Variants in CACNG3 observed in about 807,000 individuals in gnomAD.
The protein encoded by CACNG3 is calcium voltage-gated channel auxiliary subunit gamma 3.
In CACNG3, 3 loss-of-function variants were observed where a neutral mutation model predicts 28.5. The ratio of observed to expected loss-of-function variants is 0.11; its 90% CI spans 0.05 to 0.27. The LOEUF (loss-of-function observed/expected upper bound fraction) is 0.27. Ranked by LOEUF, CACNG3 falls within the 10% of genes least tolerant of loss-of-function variation. The probability of loss-of-function intolerance (pLI) is 1.00; values close to 1 mark genes in which losing one functional copy is unlikely to be tolerated. For missense variants in CACNG3, 236 were observed against 414.4 expected (o/e 0.57, Z 3.74); for synonymous variants, 174 against 162.2 (o/e 1.07, Z -0.55).
intron 1 of CACNG3, among the ~76,000 whole-genome samples, chr16:24,325,814 T>A (rs562578892): frequency 6.6e-6 from 1 of 152,222 alleles, no homozygotes; most frequent in Non-Finnish European, 1.5e-5. Flanking sequence ...GCTTAATAAA[T>A]GGTAGGTGCT....
chr16:24,297,275 A>T (rs1899044285), intron 1 of CACNG3, among the ~76,000 whole-genome samples: 1 of 126,564 alleles, frequency 7.9e-6, no homozygotes, highest in South Asian at 2.3e-4. Context: ...AAAATAAAAT[A>T]AAATAAATAA....
chr16:24,268,261 C>T (rs1325229032), intron 1 of CACNG3, among the ~76,000 whole-genome samples: 1 of 152,206 alleles, frequency 6.6e-6, no homozygotes. Flanking sequence ...CTGTCTACTA[C>T]TAGTTGTCTG....
At chr16:24,299,722 G>GT (rs1390196652) in intron 1 of CACNG3, among the ~76,000 whole-genome samples, 1 of 152,116 alleles carries the variant, frequency 6.6e-6, no homozygotes. Context: ...GTATGAGACT[G>GT]TTTATTCAGT....
intron 1 of CACNG3, among the ~76,000 whole-genome samples, chr16:24,305,026 CAG>C (rs1277452476): frequency 3.3e-5 from 5 of 152,006 alleles, no homozygotes; most frequent in Non-Finnish European, 7.3e-5. Context: ...GTGGAGAATC[CAG>C]AGAGTGTGGC....
chr16:24,316,672 A>G (rs1251623529), intron 1 of CACNG3, among the ~76,000 whole-genome samples: 1 of 152,112 alleles, frequency 6.6e-6, no homozygotes, highest in Non-Finnish European at 1.5e-5. Context: ...CACTCCCCAA[A>G]GACCTCAGGG....
chr16:24,302,736 T>G (rs2141360856), intron 1 of CACNG3, among the ~76,000 whole-genome samples: 1 of 152,086 alleles, frequency 6.6e-6, no homozygotes, highest in Non-Finnish European at 1.5e-5. Context: ...CTCGGCTCAC[T>G]GCAAACTCTG....
At chr16:24,324,107 C>T (rs1899502738) in intron 1 of CACNG3, among the ~76,000 whole-genome samples, 1 of 152,094 alleles carries the variant, frequency 6.6e-6, no homozygotes, top group African/African-American at 2.4e-5. Flanking sequence ...TTATTGAATT[C>T]TCAAAGAGCC....
At chr16:24,332,913 C>T in intron 1 of CACNG3, among the ~76,000 whole-genome samples, 1 of 152,026 alleles carries the variant, frequency 6.6e-6, no homozygotes, top group East Asian at 1.9e-4. Flanking sequence ...GGAGGCAAAA[C>T]GTGATGTGTT....
chr16:24,259,565 C>T (rs1031932596), intron 1 of CACNG3, among the ~76,000 whole-genome samples: 3 of 152,066 alleles, frequency 2.0e-5, no homozygotes, highest in Non-Finnish European at 4.4e-5. Context: ...AATGTTTGTT[C>T]TTCTGTGCTT....
At chr16:24,275,180 C>A (rs1295610940) in intron 1 of CACNG3, among the ~76,000 whole-genome samples, 1 of 146,034 alleles carries the variant, frequency 6.8e-6, no homozygotes, top group Non-Finnish European at 1.5e-5. Context: ...GGCAATACAG[C>A]AAGACTCCAT....
intron 2 of CACNG3, among the ~76,000 whole-genome samples, chr16:24,350,260 C>T (rs1338560306): frequency 6.6e-6 from 1 of 152,138 alleles, no homozygotes; most frequent in African/African-American, 2.4e-5. Context: ...GATGATTGCA[C>T]CACTTGGGAA....
At chr16:24,285,714 G>A (rs573007386) in intron 1 of CACNG3, among the ~76,000 whole-genome samples, 1 of 151,728 alleles carries the variant, frequency 6.6e-6, no homozygotes, top group South Asian at 2.1e-4. Flanking sequence ...TCTAATTGAA[G>A]ATAATATGTA....
chr16:24,327,420 A>ATCTGTGTG (rs1182421550), intron 1 of CACNG3, among the ~76,000 whole-genome samples: 2 of 57,168 alleles, frequency 3.5e-5, no homozygotes, highest in Non-Finnish European at 6.9e-5. Context: ...ACGAATATAT[A>ATCTGTGTG]TATGTGTGTG....
rs905785613 is a variant in CACNG3, at chr16:24,290,157, T to A, written c.211+33192T>A. Among the ~76,000 whole-genome samples, 3 of 152,266 alleles carry A rather than the reference T, an allele frequency of 2.0e-5. No homozygotes were observed. In the East Asian group the frequency reaches 5.8e-4, roughly 29 times the overall value. ...AACAAACATTTCATATATTTGTGGATTTATACCCATCTTTTATTTATTTGT... is the reference window on the plus strand; with the variant it reads ...AACAAACATTTCATATATTTGTGGAATTATACCCATCTTTTATTTATTTGT... On this transcript the variant is annotated intron_variant, in intron 1 of 3. Coordinates refer to ENST00000005284, the MANE Select transcript of CACNG3 (RefSeq NM_006539.4).
chr16:24,321,123 A>G (rs1247090659), intron 1 of CACNG3, among the ~76,000 whole-genome samples: 1 of 152,150 alleles, frequency 6.6e-6, no homozygotes, highest in Non-Finnish European at 1.5e-5. Flanking sequence ...CCCTTGTCCC[A>G]AGTATCCACA....
At chr16:24,350,760 T>TG (rs1165003339) in intron 2 of CACNG3, among the ~76,000 whole-genome samples, 3 of 152,212 alleles carry the variant, frequency 2.0e-5, no homozygotes, top group Admixed American at 6.5e-5. Context: ...AAGCAATTCC[T>TG]GTCAATATAC....
At chr16:24,352,536 TG>T (rs1289179529) in intron 2 of CACNG3, among the ~76,000 whole-genome samples, 1 of 42,430 alleles carries the variant, frequency 2.4e-5, no homozygotes, top group Non-Finnish European at 4.3e-5. Context: ...TGTTGTTGTT[TG>T]TTTGTTTGTT....
At chr16:24,314,465 T>C (rs990683019) in intron 1 of CACNG3, among the ~76,000 whole-genome samples, 1 of 152,190 alleles carries the variant, frequency 6.6e-6, no homozygotes, top group African/African-American at 2.4e-5. Flanking sequence ...GCCTTGACCT[T>C]TCTCCCAATG....
chr16:24,346,965 C>A, intron 2 of CACNG3, 148 bp downstream of exon 2: 1 of 631,738 alleles, frequency 1.6e-6, no homozygotes, highest in Non-Finnish European at 2.8e-6. Flanking sequence ...CACAGAGACA[C>A]TCAAGTGGTT....
Sources: gnomAD v4.1 joint callset for allele counts (sites outside exome capture counted in the v4.1 genomes callset) on GRCh38, gnomAD v4.1.1 for gene constraint, MANE v1.5 for transcripts, NCBI Gene and HGNC (gene_info 2026-07-23, HGNC 2026-07-21) for gene names.